LCMT1: variants seen among roughly 807,000 people sequenced by gnomAD.
LCMT1 encodes [Phosphatase 2A protein]-leucine-carboxy methyltransferase 1.
A neutral mutation model predicts 47.7 loss-of-function variants in LCMT1; 32 were observed. The ratio of observed to expected loss-of-function variants is 0.67; its 90% confidence interval spans 0.51 to 0.90. The LOEUF (loss-of-function observed/expected upper bound fraction) is 0.90, where lower values mean the gene tolerates loss of function less well. Ranked by LOEUF, LCMT1 falls within the 40% of genes least tolerant of loss-of-function variation. The pLI is 0.00. For synonymous variants in LCMT1, 152 were observed against 149.7 expected, an observed-to-expected ratio of 1.02 and a Z score of -0.11; for missense variants, 375 against 415.2, an observed-to-expected ratio of 0.90 and a Z score of 0.84.
In LCMT1 at chr16:25,169,142, A is replaced by G; in HGVS notation, c.721A>G (p.Met241Val). The G allele has an allele frequency of 6.2e-7, 1 of 1,613,542 alleles. No individual in the cohort carries two copies. The highest frequency in any genetic ancestry group is 8.5e-7 in the Non-Finnish European group (1 of 1,179,728). Residue 241 changes from methionine (M) to valine (V), a missense_variant, in exon 8 of 11, where the codon ATG becomes GTG. Met to Val is a conservative substitution (Grantham distance 21). Transcript: ENST00000399069. Reference protein sequence around the residue: ...VNMGDRFGQIMIENLRRRQCD... With the variant: ...VNMGDRFGQIVIENLRRRQCD... ...CATGGGTGATCGGTTTGGGCAGATC[A>G]TGATTGAAAACCTGCGGAGACGCCA...
At chr16:25,163,256 C>G (rs948730599) in intron 6 of LCMT1, among the ~76,000 whole-genome samples, 1 of 152,124 alleles carries the variant, frequency 6.6e-6, no homozygotes. Context: ...ATCACGAGGT[C>G]AAGAGATTGA....
intron 5 of LCMT1, among the ~76,000 whole-genome samples, chr16:25,158,269 A>G (rs1441930305): frequency 2.0e-5 from 3 of 152,196 alleles, no homozygotes. Flanking sequence ...CCCATGCCTC[A>G]GCCTCTCAAG....
rs1381315686 is a variant in LCMT1, at chr16:25,132,484, C to T, written c.288C>T (p.Asn96=). The change falls in exon 3 of 11, where the codon AAC becomes AAT. Residue 96 remains asparagine, a synonymous_variant. Transcript: ENST00000399069. The part of the protein sequence containing the change: ...RKTECHCQIV[N]LGAGMDTTFW... ...CAGAATGTCATTGTCAAATTGTCAACCTTGGGGCAGGCATGGATACCACCT... is the reference window on the plus strand; with the variant it reads ...CAGAATGTCATTGTCAAATTGTCAATCTTGGGGCAGGCATGGATACCACCT... 6.2e-7 allele frequency: 1 copy of T among 1,613,856 alleles called. No homozygotes were observed. Among genetic ancestry groups the T allele is most frequent in the Non-Finnish European group, 8.5e-7 (1 of 1,179,830 alleles).
chr16:25,121,002 C>T (rs1161121725), intron 1 of LCMT1, among the ~76,000 whole-genome samples: 3 of 147,760 alleles, frequency 2.0e-5, no homozygotes, highest in Non-Finnish European at 4.5e-5. Flanking sequence ...CTCAAGCAAT[C>T]CTCCCACCTT....
At position 25,175,039 on chromosome 16, in the gene LCMT1, G is replaced by A. The variant is rs749527302; in HGVS notation, c.982+5G>A. On this transcript the variant is annotated splice_donor_5th_base_variant and intron_variant, in intron 10 of 10. Coordinates refer to ENST00000399069, the MANE Select transcript of LCMT1 (RefSeq NM_016309.3). ...CCAAAGGAGGAAATGAGCTTGGTGC[G>A]TGATTGTACTTTTCTTGCCTTGACC... is the stretch of plus-strand genomic sequence containing the variant. The A allele has an allele frequency of 7.7e-6, 12 of 1,555,836 alleles. No homozygotes were observed. In the South Asian group the frequency reaches 7.9e-5, roughly 10 times the overall value.
intron 5 of LCMT1, among the ~76,000 whole-genome samples, chr16:25,159,966 C>CT (rs11453219): frequency 0.98 from 143,643 of 145,994 alleles, 70,660 homozygotes; most frequent in Middle Eastern, 1. Flanking sequence ...AATTTGTTAA[C>CT]TTTTTTTTTT....
At chr16:25,127,871 T>C (rs1481275478) in intron 1 of LCMT1, among the ~76,000 whole-genome samples, 1 of 77,684 alleles carries the variant, frequency 1.3e-5, no homozygotes, top group Non-Finnish European at 3.1e-5. Context: ...AGATGAAGCC[T>C]TAATTCCTTG....
intron 5 of LCMT1, among the ~76,000 whole-genome samples, chr16:25,158,549 GCAAC>G (rs1032607325): frequency 1.3e-5 from 2 of 151,080 alleles, no homozygotes; most frequent in Non-Finnish European, 3.0e-5. Flanking sequence ...TCTCATTTTG[GCAAC>G]CAAGTTATCT....
intron 9 of LCMT1, 27 bp downstream of exon 9, chr16:25,170,832 A>G: frequency 2.7e-6 from 4 of 1,460,722 alleles, no homozygotes; most frequent in Non-Finnish European, 3.8e-6. Context: ...CGTCAGCTTG[A>G]TGGGCATTCA....
chr16:25,172,792 C>T (rs1401089291), intron 9 of LCMT1, among the ~76,000 whole-genome samples: 1 of 152,208 alleles, frequency 6.6e-6, no homozygotes, highest in East Asian at 1.9e-4. Context: ...CATCCTTCCC[C>T]ACAGGCTGGT....
intron 1 of LCMT1, among the ~76,000 whole-genome samples, chr16:25,119,946 G>T (rs1207978941): frequency 6.6e-6 from 1 of 151,994 alleles, no homozygotes; most frequent in Non-Finnish European, 1.5e-5. Context: ...AGATCATGAA[G>T]TCAGGAGATG....
At chr16:25,162,355 G>A (rs1345078650) in intron 6 of LCMT1, among the ~76,000 whole-genome samples, 1 of 151,806 alleles carries the variant, frequency 6.6e-6, no homozygotes, top group Non-Finnish European at 1.5e-5. Context: ...TTGGGAGGCC[G>A]AGGTGGGCAG....
At chr16:25,172,955 G>A (rs893621163) in intron 9 of LCMT1, among the ~76,000 whole-genome samples, 1 of 152,222 alleles carries the variant, frequency 6.6e-6, no homozygotes, top group East Asian at 1.9e-4. Flanking sequence ...GCAGTCATTT[G>A]TCTCATGTTT....
At chr16:25,168,836 G>A (rs980864607) in intron 7 of LCMT1, among the ~76,000 whole-genome samples, 2 of 152,096 alleles carry the variant, frequency 1.3e-5, no homozygotes, top group African/African-American at 4.8e-5. Context: ...ATACATGTGG[G>A]AGTGTGTCTG....
At chr16:25,149,930 AAAAGT>A (rs1156725414) in intron 4 of LCMT1, among the ~76,000 whole-genome samples, 3 of 151,772 alleles carry the variant, frequency 2.0e-5, no homozygotes, top group Admixed American at 6.6e-5. Context: ...AAAAAAAAAA[AAAAGT>A]AGGTTACCTG....
At chr16:25,177,437 T>G (rs1961982054) in intron 10 of LCMT1, among the ~76,000 whole-genome samples, 2 of 152,308 alleles carry the variant, frequency 1.3e-5, no homozygotes, top group South Asian at 4.1e-4. Context: ...TGTTTTCAAT[T>G]TAATGTTATA....
chr16:25,129,550 TC>T (rs1960290665), intron 2 of LCMT1, among the ~76,000 whole-genome samples: 1 of 152,184 alleles, frequency 6.6e-6, no homozygotes, highest in Non-Finnish European at 1.5e-5. Flanking sequence ...CACTTTTTTT[TC>T]CCCAATGAGA....
chr16:25,166,591 C>CATGTTGCCCTACATGT (rs1440759374), intron 7 of LCMT1, among the ~76,000 whole-genome samples: 1 of 152,048 alleles, frequency 6.6e-6, no homozygotes, highest in Non-Finnish European at 1.5e-5. Flanking sequence ...TTTGTAGGGA[C>CATGTTGCCCTACATGT]AGGGTTTCGC....
At chr16:25,165,372 C>T (rs1456918745) in intron 7 of LCMT1, among the ~76,000 whole-genome samples, 6 of 152,166 alleles carry the variant, frequency 3.9e-5, no homozygotes, top group Admixed American at 1.3e-4. Context: ...TGAATCCTGG[C>T]CCTGGCTTGT....
Sources: gnomAD v4.1 joint callset for allele counts (sites outside exome capture counted in the v4.1 genomes callset) on GRCh38, gnomAD v4.1.1 for gene constraint, MANE v1.5 for transcripts, NCBI Gene and HGNC (gene_info 2026-07-23, HGNC 2026-07-21) for gene names.